Variants in SH2D5 observed in about 807,000 individuals in gnomAD.
The protein encoded by SH2D5 is SH2 domain containing 5.
SH2D5 carries 45 observed loss-of-function variants against 48.2 expected under a neutral mutation model. The observed-to-expected ratio is 0.93, with a 90% confidence interval of 0.73 to 1.20. SH2D5 has a LOEUF of 1.20. Ranked by LOEUF, SH2D5 falls within the 50% of genes most tolerant of loss-of-function variation. The pLI is 0.00. For missense variants in SH2D5, 538 were observed against 584.1 expected (o/e 0.92, Z 0.81); for synonymous variants, 230 against 249.8 (o/e 0.92, Z 0.75).
intron 9 of SH2D5, among the ~76,000 whole-genome samples, 169 bp downstream of exon 9, chr1:20,722,587 G>A (rs767390377): frequency 3.9e-5 from 6 of 152,224 alleles, no homozygotes; most frequent in South Asian, 2.1e-4. Context: ...GACAGTAGAG[G>A]CAGGATGGAA....
chr1:20,725,863 C>T, intron 5 of SH2D5, 57 bp downstream of exon 5: 1 of 1,594,348 alleles, frequency 6.3e-7, no homozygotes, highest in Non-Finnish European at 8.5e-7. Context: ...CACCCTGATG[C>T]CTGGCGCACA....
chr1:20,727,660 C>T (rs2054828222), intron 2 of SH2D5, 57 bp from the exon 3 acceptor site: 2 of 1,454,220 alleles, frequency 1.4e-6, no homozygotes, highest in South Asian at 1.2e-5. Context: ...TGGCTCCTAA[C>T]CCCATCCTCC....
intron 5 of SH2D5, among the ~76,000 whole-genome samples, 170 bp from the exon 6 acceptor site, chr1:20,724,805 G>A (rs1220549658): frequency 6.6e-6 from 1 of 152,242 alleles, no homozygotes; most frequent in African/African-American, 2.4e-5. Flanking sequence ...TCACCACCAT[G>A]CAGGCTCCCT....
Position 20,728,182 on chromosome 1 carries a change from CTA to C in SH2D5, c.-42-98_-42-97del, listed in dbSNP as rs376372897. On this transcript the variant is annotated intron_variant, in intron 1 of 9. Coordinates refer to ENST00000444387, the MANE Select transcript of SH2D5 (RefSeq NM_001103161.2). This position sits in a 1 kb window ranked among gnomAD's most constrained non-coding sequence, Gnocchi z 4.3. ...CATTCACTGGCTTCCTGAGCAGCTG[CTA>C]TGTGTGCAGCACGGCTGCGCAATGT... The C allele has an allele frequency of 7.5e-4, 484 of 646,044 alleles. No individual in the cohort carries two copies. The African/African-American group carries it at 7.6e-3, about 10-fold the overall frequency. 40.0% of individuals were successfully genotyped at this position (646,044 alleles called of 1,614,324 possible). A position where few individuals can be genotyped will look rare whatever the true frequency, so the allele number is the denominator to read the frequency against.
At chr1:20,723,196 A>G (rs747531981) in intron 8 of SH2D5, among the ~76,000 whole-genome samples, 9 of 152,226 alleles carry the variant, frequency 5.9e-5, no homozygotes, top group Non-Finnish European at 1.2e-4. Context: ...TGAAATTTCA[A>G]AACAAAAGCA....
rs1185770602 is a variant in SH2D5, at chr1:20,728,493, G to T, written c.-42-407C>A. On this transcript the variant is annotated intron_variant, in intron 1 of 9. Transcript: ENST00000444387. This position sits in a 1 kb window ranked among gnomAD's most constrained non-coding sequence, Gnocchi z 4.3. ...AAACTCAGCAAGCACTGAGGATCCT[G>T]GTGTTCTGGGCTGGGGCCTGCCCCA... is the stretch of plus-strand genomic sequence containing the variant. 2.0e-5 allele frequency among the ~76,000 whole-genome samples: 3 copies of T among 152,098 alleles called. No homozygotes were observed.
At chr1:20,726,488 C>T (rs974381306) in intron 4 of SH2D5, among the ~76,000 whole-genome samples, 3 of 151,986 alleles carry the variant, frequency 2.0e-5, no homozygotes, top group Non-Finnish European at 4.4e-5. Context: ...CCCCAGGGCC[C>T]CGCAATGCCC....
In SH2D5 at chr1:20,725,911, C is replaced by T. The variant is rs1163026763; in HGVS notation, c.390+9G>A. 1.2e-6 allele frequency: 2 copies of T among 1,612,724 alleles called. No homozygotes were observed. The highest frequency in any genetic ancestry group is 2.2e-5 in the East Asian group (1 of 44,882). ...TCCGTGGCGGTCCCCTGCCTCAAGC[C>T]CCAGATACCTCTCCTGGCTGGCTGC... On this transcript the variant is annotated intron_variant, in intron 5 of 9. Coordinates refer to ENST00000444387, the MANE Select transcript of SH2D5 (RefSeq NM_001103161.2).
intron 5 of SH2D5, among the ~76,000 whole-genome samples, chr1:20,725,650 C>T (rs1442438420): frequency 1.3e-5 from 2 of 152,188 alleles, no homozygotes; most frequent in Non-Finnish European, 2.9e-5. Flanking sequence ...CCAGACAGAA[C>T]GGCATGAGCG....
At position 20,724,551 on chromosome 1, in the gene SH2D5, G is replaced by T. The variant is rs763674031; in HGVS notation, c.475C>A (p.Pro159Thr). 1 of 1,604,230 alleles carries T rather than the reference G, an allele frequency of 6.2e-7. No homozygotes were observed. The highest frequency in any genetic ancestry group is 1.1e-5 in the South Asian group (1 of 90,018). The change falls in exon 6 of 10, where the codon CCC becomes ACC. Residue 159 changes from proline (P) to threonine (T), a missense_variant. By Grantham distance (38) the Pro-to-Thr change is conservative. Coordinates refer to ENST00000444387, the MANE Select transcript of SH2D5 (RefSeq NM_001103161.2). ...ACCTCCCCTGTGGGCCCTGGGCAGG[G>T]CTCTGGCTGTGCCCGCTCCTCAGGG... Reference protein sequence around the residue: ...QHPEERAQPEPCPGPTGEVPL... With the variant: ...QHPEERAQPETCPGPTGEVPL...
Position 20,726,071 on chromosome 1 carries a change from C to CCACCCCCATGT in SH2D5, c.244-6_244-5insACATGGGGGTG. ...GGCATGAGCCATCAGCAGCACCTGG[C>CCACCCCCATGT]GAGGCAGCAGTGTGAGGCCCCCATC... On this transcript the variant is annotated splice_region_variant and splice_polypyrimidine_tract_variant and intron_variant, in intron 4 of 9. Transcript: ENST00000444387. 6.3e-7 allele frequency: 1 copy of CCACCCCCATGT among 1,591,546 alleles called. No homozygotes were observed. The highest frequency in any genetic ancestry group is 8.6e-7 in the Non-Finnish European group (1 of 1,169,458).
chr1:20,730,178 G>A (rs1183882434), intron 1 of SH2D5, among the ~76,000 whole-genome samples: 1 of 152,146 alleles, frequency 6.6e-6, no homozygotes, highest in Non-Finnish European at 1.5e-5. Flanking sequence ...AAAGGAGAGG[G>A]AAGGTACGGA....
rs1424833225 is a variant in SH2D5 at position 20,724,213 on chromosome 1, G to A, written c.669C>T (p.Ala223=). Residue 223 remains alanine, a synonymous_variant, in exon 7 of 10, where the codon GCC becomes GCT. Transcript: ENST00000444387. Reference sequence around the variant, plus strand: ...GCGAGCAGTAGGGATTCCCCAGGCGGGCATGGCGGGCACGGCCTTCCGACT... The same window carrying A: ...GCGAGCAGTAGGGATTCCCCAGGCGAGCATGGCGGGCACGGCCTTCCGACT... The part of the protein sequence containing the change: ...LPESEGRARH[A]RLGNPYCSPT... 1.9e-6 allele frequency: 3 copies of A among 1,612,742 alleles called. No individual in the cohort carries two copies. Among genetic ancestry groups the A allele is most frequent in the Non-Finnish European group, 2.5e-6 (3 of 1,179,974 alleles).
At position 20,729,021 on chromosome 1, in the gene SH2D5, C is replaced by T. The variant is rs1481492839; in HGVS notation, c.-42-935G>A. Among the ~76,000 whole-genome samples, 1 of 152,126 alleles carries T rather than the reference C, an allele frequency of 6.6e-6. No homozygotes were observed. Among genetic ancestry groups the T allele is most frequent in the African/African-American group, 2.4e-5 (1 of 41,440 alleles). On this transcript the variant is annotated intron_variant, in intron 1 of 9. Coordinates refer to ENST00000444387, the MANE Select transcript of SH2D5 (RefSeq NM_001103161.2). The surrounding 1 kb of genome is among the most constrained non-coding windows in gnomAD (Gnocchi z 4.2). The stretch of plus-strand genomic sequence containing the variant: ...GACAACTGCCCTGGGGGCTGAGGAC[C>T]ACCCCCCACCGTCCAGCCCAGCCAG...
chr1:20,726,292 C>T (rs1193799483), intron 4 of SH2D5, among the ~76,000 whole-genome samples: 1 of 152,210 alleles, frequency 6.6e-6, no homozygotes, highest in African/African-American at 2.4e-5. Context: ...GGTGACACGC[C>T]TGGTCCCTGG....
chr1:20,724,329 C>T, intron 6 of SH2D5, 67 bp downstream of exon 6: 6 of 1,601,138 alleles, frequency 3.7e-6, no homozygotes, highest in Non-Finnish European at 5.1e-6. Context: ...CCTGCCCTGA[C>T]ATGCCCCCCA....
At chr1:20,723,031 G>A (rs149048769) in intron 8 of SH2D5, 116 bp from the exon 9 acceptor site, 34 of 1,032,194 alleles carry the variant, frequency 3.3e-5, no homozygotes, top group South Asian at 8.9e-5. Flanking sequence ...CACACGGTGC[G>A]TTGGCCGGGC....
In SH2D5 at chr1:20,722,220, G is replaced by A. The variant is rs117910986; in HGVS notation, c.1069-225C>T. On this transcript the variant is annotated intron_variant, in intron 9 of 9. Transcript: ENST00000444387. ...GGAAGTAAGGGTACACATGTGAAAA[G>A]CCTCGCCACCCCCTCCCATCCCTAG... Among the ~76,000 whole-genome samples the A allele has an allele frequency of 3.1e-4, 47 of 152,274 alleles. No homozygotes were observed. In the East Asian group the frequency reaches 8.3e-3, roughly 27 times the overall value.
intron 5 of SH2D5, among the ~76,000 whole-genome samples, chr1:20,725,093 C>T (rs913780077): frequency 1.3e-5 from 2 of 152,240 alleles, no homozygotes; most frequent in African/African-American, 4.8e-5. Flanking sequence ...TCCTCATCCC[C>T]ACCTCCCTGT....
Sources: allele counts gnomAD v4.1 joint callset (sites outside exome capture counted in the v4.1 genomes callset), GRCh38; gene constraint gnomAD v4.1.1; non-coding constraint Gnocchi (gnomAD v3.1); transcripts MANE v1.5; gene names NCBI Gene and HGNC (gene_info 2026-07-23, HGNC 2026-07-21).